Variants in RICTOR observed in about 807,000 individuals in gnomAD.
RICTOR encodes RPTOR independent companion of MTOR complex 2, also known as rapamycin-insensitive companion of mTOR.
Under a neutral mutation model 214.9 loss-of-function variants are expected in RICTOR, and 49 were observed. The ratio of observed to expected loss-of-function variants is 0.23; its 90% CI spans 0.18 to 0.29. The LOEUF (loss-of-function observed/expected upper bound fraction) is 0.29. Ranked by LOEUF, RICTOR falls within the 10% of genes least tolerant of loss-of-function variation. The pLI is 1.00. For missense variants in RICTOR, 1,625 were observed against 2,047.0 expected (o/e 0.79, Z 3.98); for synonymous variants, 717 against 711.3 (o/e 1.01, Z -0.13).
At chr5:38,945,780 C>A in intron 33 of RICTOR, 56 bp from the exon 34 acceptor site, 3 of 876,306 alleles carry the variant, frequency 3.4e-6, no homozygotes, top group East Asian at 5.6e-5. Flanking sequence ...TTTCAAGGTA[C>A]CTTAAATTAT....
chr5:38,962,746 A>G (rs547987914), intron 17 of RICTOR, 130 bp downstream of exon 17: 1 of 871,170 alleles, frequency 1.1e-6, no homozygotes, highest in African/African-American at 1.7e-5. Flanking sequence ...AAATTATAAA[A>G]CTCAGAAGCC....
intron 14 of RICTOR, 120 bp from the exon 15 acceptor site, chr5:38,966,841 C>T: frequency 1.7e-6 from 1 of 604,760 alleles, no homozygotes; most frequent in Non-Finnish European, 2.9e-6. Flanking sequence ...TGCTCTGTTG[C>T]CCAGGCTGGA....
intron 3 of RICTOR, among the ~76,000 whole-genome samples, chr5:39,009,376 A>G (rs1754317085): frequency 6.6e-6 from 1 of 152,176 alleles, no homozygotes; most frequent in African/African-American, 2.4e-5. Context: ...ATCTTAAAAA[A>G]CAAACACGCA....
intron 3 of RICTOR, among the ~76,000 whole-genome samples, chr5:39,012,573 G>A (rs983431217): frequency 1.3e-5 from 2 of 152,136 alleles, no homozygotes; most frequent in African/African-American, 4.8e-5. Flanking sequence ...CAACAATTAG[G>A]TAGCAGTTTC....
In RICTOR at chr5:39,051,070, T is replaced by TAC. The variant is rs367801019; in HGVS notation, c.97+23039_97+23040dup. ...ACACACACACACACACACACGCACC[T>TAC]ACACACACACACACGCGGCATATAA... On this transcript the variant is annotated intron_variant, in intron 2 of 37. Coordinates refer to ENST00000357387, the MANE Select transcript of RICTOR (RefSeq NM_152756.5). Among the ~76,000 whole-genome samples the TAC allele has an allele frequency of 1.4e-4, 18 of 132,496 alleles. No homozygotes were observed. The East Asian group carries it at 1.4e-3, about 10-fold the overall frequency. The allele number at this position is 132,496 out of a possible 152,430, so 86.9% of individuals were successfully genotyped here. A position where few individuals can be genotyped will look rare whatever the true frequency, so the allele number is the denominator to read the frequency against.
At chr5:38,959,677 A>G (rs928685775) in intron 21 of RICTOR, 102 bp downstream of exon 21, 2 of 718,570 alleles carry the variant, frequency 2.8e-6, no homozygotes, top group African/African-American at 1.8e-5. Flanking sequence ...TTAAAATAAA[A>G]CTTAACCAAA....
At chr5:39,059,335 G>C (rs1246200944) in intron 2 of RICTOR, among the ~76,000 whole-genome samples, 2 of 152,190 alleles carry the variant, frequency 1.3e-5, no homozygotes, top group East Asian at 3.9e-4. Flanking sequence ...TATGGCATTA[G>C]AGGTCAGGAT....
intron 2 of RICTOR, among the ~76,000 whole-genome samples, chr5:39,054,918 T>G (rs938295510): frequency 6.6e-6 from 1 of 152,208 alleles, no homozygotes; most frequent in Non-Finnish European, 1.5e-5. Flanking sequence ...ATTTCTACAA[T>G]GTTTGGTTTT....
intron 5 of RICTOR, among the ~76,000 whole-genome samples, chr5:39,001,248 A>C (rs1254176138): frequency 6.6e-6 from 1 of 152,082 alleles, no homozygotes; most frequent in Non-Finnish European, 1.5e-5. Flanking sequence ...CAAATATACC[A>C]ACTAAAGAGG....
intron 3 of RICTOR, among the ~76,000 whole-genome samples, chr5:39,014,452 T>G (rs1226783998): frequency 2.0e-5 from 3 of 152,100 alleles, no homozygotes; most frequent in Non-Finnish European, 4.4e-5. Flanking sequence ...ATTTCACTTT[T>G]TATCATATAT....
intron 11 of RICTOR, chr5:38,970,952 G>A (rs1235223967): frequency 4.6e-5 from 7 of 152,164 alleles, no homozygotes; most frequent in African/African-American, 1.7e-4. Context: ...GCCCTTGTGT[G>A]TTGTTTATAT....
intron 1 of RICTOR, 66 bp downstream of exon 1, chr5:39,074,263 G>C: frequency 6.3e-7 from 1 of 1,580,192 alleles, no homozygotes; most frequent in Non-Finnish European, 8.6e-7. Flanking sequence ...CCCAGGGCCA[G>C]GGGAAGGCAA....
chr5:38,955,324 G>A (rs1749162353), intron 26 of RICTOR, among the ~76,000 whole-genome samples: 2 of 151,938 alleles, frequency 1.3e-5, no homozygotes, highest in Non-Finnish European at 2.9e-5. Flanking sequence ...GATAAGTGAT[G>A]TTCAACCTGT....
At chr5:38,947,479 T>G in intron 31 of RICTOR, 38 bp from the exon 32 acceptor site, 1 of 1,429,640 alleles carries the variant, frequency 7.0e-7, no homozygotes, top group East Asian at 2.3e-5. Flanking sequence ...ATTAGTTTCT[T>G]GATCTGTAAT....
chr5:39,053,133 T>C (rs1224951076), intron 2 of RICTOR, among the ~76,000 whole-genome samples: 2 of 152,346 alleles, frequency 1.3e-5, no homozygotes, highest in African/African-American at 4.8e-5. Flanking sequence ...CTCCAATTTA[T>C]TTTAGGCTAT....
intron 8 of RICTOR, among the ~76,000 whole-genome samples, chr5:38,979,302 G>A (rs1170672601): frequency 6.6e-6 from 1 of 152,126 alleles, no homozygotes; most frequent in Admixed American, 6.5e-5. Flanking sequence ...GGCTACTTTA[G>A]AACTACTATA....
chr5:38,995,626 T>G (rs957680734), intron 6 of RICTOR, among the ~76,000 whole-genome samples: 1 of 152,106 alleles, frequency 6.6e-6, no homozygotes, highest in Non-Finnish European at 1.5e-5. Flanking sequence ...TTTAATGTGT[T>G]TATTATTTTA....
chr5:39,051,522 T>C (rs1757844781), intron 2 of RICTOR, among the ~76,000 whole-genome samples: 1 of 152,066 alleles, frequency 6.6e-6, no homozygotes, highest in Admixed American at 6.6e-5. Flanking sequence ...GCGAGGCACG[T>C]GGAACACCTG....
intron 3 of RICTOR, among the ~76,000 whole-genome samples, chr5:39,007,909 A>G (rs1754203515): frequency 1.3e-5 from 2 of 150,770 alleles, no homozygotes; most frequent in African/African-American, 4.8e-5. Context: ...AACTGAAAAT[A>G]TTTTATAAAA....
Sources: allele counts gnomAD v4.1 joint callset (sites outside exome capture counted in the v4.1 genomes callset), GRCh38; gene constraint gnomAD v4.1.1; transcripts MANE v1.5; gene names NCBI Gene and HGNC (gene_info 2026-07-23, HGNC 2026-07-21).